The following RORA variants were observed in gnomAD, a reference collection of about 807,000 sequenced individuals.
The protein encoded by RORA is nuclear receptor ROR-alpha.
Under a neutral mutation model 69.5 loss-of-function variants are expected in RORA, and 7 were observed. That is an observed-to-expected ratio of 0.10 (90% CI 0.06 to 0.19). The LOEUF (loss-of-function observed/expected upper bound fraction) is 0.19, where lower values mean the gene tolerates loss of function less well. Ranked by LOEUF, RORA falls within the 10% of genes least tolerant of loss-of-function variation. RORA has a pLI of 1.00. For synonymous variants in RORA, 261 were observed against 240.8 expected (o/e 1.08, Z -0.78); for missense variants, 457 against 663.0 (o/e 0.69, Z 3.41).
At chr15:61,214,863 CTTTT>C (rs34041868) in intron 1 of RORA, among the ~76,000 whole-genome samples, 172 of 107,084 alleles carry the variant, frequency 1.6e-3, no homozygotes, top group Non-Finnish European at 2.7e-3. Flanking sequence ...CCTTCTTGGA[CTTTT>C]TTTTTTTTTT....
At chr15:60,823,113 TC>T (rs2072914572) in intron 1 of RORA, among the ~76,000 whole-genome samples, 4 of 708 alleles carry the variant, frequency 5.6e-3, no homozygotes, top group African/African-American at 0.013. Context: ...CTTCTCTTTC[TC>T]TCTCTCTCTC....
At chr15:60,668,308 C>A (rs527778338) in intron 2 of RORA, among the ~76,000 whole-genome samples, 1 of 152,160 alleles carries the variant, frequency 6.6e-6, no homozygotes, top group Non-Finnish European at 1.5e-5. Flanking sequence ...AAATCAAGAG[C>A]AAGAGTGGTA....
intron 1 of RORA, among the ~76,000 whole-genome samples, chr15:60,831,239 G>A (rs1335120076): frequency 6.6e-6 from 1 of 152,162 alleles, no homozygotes; most frequent in Admixed American, 6.5e-5. Flanking sequence ...GCATTTGACA[G>A]GGTCTATTGA....
At chr15:60,501,105 G>A in intron 8 of RORA, 36 bp from the exon 9 acceptor site, 2 of 1,276,656 alleles carry the variant, frequency 1.6e-6, no homozygotes, top group South Asian at 1.2e-5. Flanking sequence ...TTAGAATTTT[G>A]ATTATTGTCT....
At chr15:61,103,703 C>T (rs1247239382) in intron 1 of RORA, among the ~76,000 whole-genome samples, 1 of 152,188 alleles carries the variant, frequency 6.6e-6, no homozygotes, top group Non-Finnish European at 1.5e-5. Flanking sequence ...TGGCAACTCA[C>T]CCCCAGAACA....
At chr15:60,925,162 G>A (rs1252585063) in intron 1 of RORA, among the ~76,000 whole-genome samples, 2 of 151,454 alleles carry the variant, frequency 1.3e-5, no homozygotes, top group Non-Finnish European at 2.9e-5. Flanking sequence ...TAACAATTGA[G>A]GAAGTGCCTC....
intron 1 of RORA, among the ~76,000 whole-genome samples, chr15:60,927,926 G>T (rs1222161880): frequency 2.6e-5 from 4 of 152,208 alleles, no homozygotes; most frequent in Admixed American, 2.6e-4. Flanking sequence ...TATTGACAGT[G>T]TCTGGATTAG....
At chr15:60,722,345 T>G (rs975549869) in intron 1 of RORA, among the ~76,000 whole-genome samples, 1 of 152,186 alleles carries the variant, frequency 6.6e-6, no homozygotes, top group Non-Finnish European at 1.5e-5. Context: ...CCCCACAAAT[T>G]AAGGTGCAGC....
intron 1 of RORA, among the ~76,000 whole-genome samples, chr15:60,969,955 T>G (rs1046538171): frequency 1.3e-5 from 2 of 152,156 alleles, no homozygotes; most frequent in African/African-American, 4.8e-5. Flanking sequence ...GGATTAGTGT[T>G]TTCGTAAGAG....
At chr15:61,191,319 G>A (rs1013931996) in intron 1 of RORA, among the ~76,000 whole-genome samples, 2 of 149,684 alleles carry the variant, frequency 1.3e-5, no homozygotes, top group Admixed American at 1.3e-4. Flanking sequence ...TTCACAAGCT[G>A]ACATTTTTTA....
At chr15:61,196,961 C>T (rs1379367922) in intron 1 of RORA, among the ~76,000 whole-genome samples, 1 of 152,196 alleles carries the variant, frequency 6.6e-6, no homozygotes, top group East Asian at 1.9e-4. Flanking sequence ...GTAAATTTAA[C>T]TCTGCAGGTT....
intron 1 of RORA, chr15:60,764,752 T>C (rs186460246): frequency 6.6e-6 from 1 of 152,378 alleles, no homozygotes; most frequent in Non-Finnish European, 1.5e-5. Flanking sequence ...GAAATTCCAC[T>C]CATTGATAAA....
At chr15:60,693,180 A>G (rs2070854203) in intron 1 of RORA, among the ~76,000 whole-genome samples, 1 of 152,234 alleles carries the variant, frequency 6.6e-6, no homozygotes, top group Non-Finnish European at 1.5e-5. Context: ...CATCACATAA[A>G]CAGAACTAAA....
At chr15:60,968,126 G>C (rs949070186) in intron 1 of RORA, among the ~76,000 whole-genome samples, 1 of 152,194 alleles carries the variant, frequency 6.6e-6, no homozygotes, top group African/African-American at 2.4e-5. Context: ...GAGACTGTGT[G>C]AATGAGCTTT....
intron 2 of RORA, among the ~76,000 whole-genome samples, chr15:60,548,646 T>G (rs2067141973): frequency 6.6e-6 from 1 of 152,128 alleles, no homozygotes; most frequent in African/African-American, 2.4e-5. Context: ...ATTTATTTAT[T>G]TATTTATTTG....
At chr15:60,510,764 T>C (rs2065669629) in intron 5 of RORA, among the ~76,000 whole-genome samples, 1 of 152,330 alleles carries the variant, frequency 6.6e-6, no homozygotes, top group East Asian at 1.9e-4. Flanking sequence ...AGCTGAACTT[T>C]TGGGTATAAT....
chr15:60,632,265 C>T (rs187232375), intron 2 of RORA, among the ~76,000 whole-genome samples: 7 of 152,098 alleles, frequency 4.6e-5, no homozygotes, highest in Non-Finnish European at 8.8e-5. Context: ...GCCACTACAC[C>T]CAGGTAATTT....
chr15:60,733,490 C>T (rs970974073), intron 1 of RORA, among the ~76,000 whole-genome samples: 3 of 152,038 alleles, frequency 2.0e-5, no homozygotes, highest in African/African-American at 7.2e-5. Flanking sequence ...CACACTTTGA[C>T]GTGAGATCTT....
chr15:60,815,345 C>T (rs1163535416), intron 1 of RORA, among the ~76,000 whole-genome samples: 1 of 152,122 alleles, frequency 6.6e-6, no homozygotes, highest in Non-Finnish European at 1.5e-5. Context: ...CCTGGCAAAA[C>T]AAGGGAGCAT....
Sources: gnomAD v4.1 joint callset for allele counts (sites outside exome capture counted in the v4.1 genomes callset) on GRCh38, gnomAD v4.1.1 for gene constraint, MANE v1.5 for transcripts, NCBI Gene and HGNC (gene_info 2026-07-23, HGNC 2026-07-21) for gene names.